Variants in HLCS observed in about 807,000 individuals in gnomAD.
HLCS encodes biotin--protein ligase.
HLCS carries 53 observed loss-of-function variants against 75.0 expected under a neutral mutation model. The ratio of observed to expected loss-of-function variants is 0.71; its 90% CI spans 0.57 to 0.89. The LOEUF (loss-of-function observed/expected upper bound fraction) is 0.89, where lower values mean the gene tolerates loss of function less well. HLCS is among the 40% of genes least tolerant of loss of function. The probability of loss-of-function intolerance (pLI) is 0.00; values close to 1 mark genes in which losing one functional copy is unlikely to be tolerated. For synonymous variants in HLCS, 431 were observed against 428.6 expected, an observed-to-expected ratio of 1.01 and a Z score of -0.07; for missense variants, 966 against 1,074.0, an observed-to-expected ratio of 0.90 and a Z score of 1.41.
intron 6 of HLCS, among the ~76,000 whole-genome samples, chr21:36,857,103 A>C (rs2063221796): frequency 6.6e-6 from 1 of 152,236 alleles, no homozygotes; most frequent in South Asian, 2.1e-4. Flanking sequence ...TGCCTCTACC[A>C]AAATAGGTCA....
At chr21:36,846,892 C>T (rs1172920907) in intron 6 of HLCS, among the ~76,000 whole-genome samples, 1 of 152,134 alleles carries the variant, frequency 6.6e-6, no homozygotes, top group African/African-American at 2.4e-5. Flanking sequence ...CCAACAATAC[C>T]AGATTTAGAG....
chr21:36,915,251 G>A (rs539689713), intron 5 of HLCS, among the ~76,000 whole-genome samples: 4 of 152,238 alleles, frequency 2.6e-5, no homozygotes, highest in South Asian at 2.1e-4. Context: ...ACGAGAAAAC[G>A]AGAACATCTC....
rs952062617 is a variant in HLCS, at chr21:36,750,405, T to C, written c.*3841A>G. On this transcript the variant is annotated 3_prime_UTR_variant, in exon 11 of 11. Transcript: ENST00000674895. ...CTAGAAAAGCCATTCCATTCATACCTTTGTAGAGCAGTGGGCTGGGTGTGG... is the reference window on the plus strand; with the variant it reads ...CTAGAAAAGCCATTCCATTCATACCCTTGTAGAGCAGTGGGCTGGGTGTGG... Among the ~76,000 whole-genome samples, 1 of 152,174 alleles carries C rather than the reference T, an allele frequency of 6.6e-6. No individual in the cohort carries two copies. The highest frequency in any genetic ancestry group is 1.5e-5 in the Non-Finnish European group (1 of 68,020).
At chr21:36,837,751 T>C (rs2062463753) in intron 6 of HLCS, among the ~76,000 whole-genome samples, 1 of 152,204 alleles carries the variant, frequency 6.6e-6, no homozygotes, top group Non-Finnish European at 1.5e-5. Context: ...GCTGCAATCA[T>C]GAACATTGTA....
chr21:36,849,229 CAT>C (rs1432588443), intron 6 of HLCS, among the ~76,000 whole-genome samples: 49 of 152,306 alleles, frequency 3.2e-4, no homozygotes, highest in South Asian at 2.1e-4. Flanking sequence ...TTCTCAGAAA[CAT>C]ATCTGGAAAA....
intron 5 of HLCS, among the ~76,000 whole-genome samples, chr21:36,914,088 C>T (rs543227892): frequency 1.3e-5 from 2 of 152,326 alleles, no homozygotes; most frequent in East Asian, 3.9e-4. Flanking sequence ...TCTCTCAAAT[C>T]CTGCCCATCA....
At chr21:36,822,031 C>A (rs1162155790) in intron 6 of HLCS, among the ~76,000 whole-genome samples, 1 of 152,122 alleles carries the variant, frequency 6.6e-6, no homozygotes, top group East Asian at 1.9e-4. Flanking sequence ...GTCATCCTCA[C>A]CCTCCCACAG....
chr21:36,979,032 G>T (rs1419482138), intron 1 of HLCS, among the ~76,000 whole-genome samples: 1 of 152,128 alleles, frequency 6.6e-6, no homozygotes, highest in Non-Finnish European at 1.5e-5. Flanking sequence ...CACTTTGGGA[G>T]GCTGAGGCGG....
chr21:36,828,675 A>C (rs1028648804), intron 6 of HLCS, among the ~76,000 whole-genome samples: 2 of 152,202 alleles, frequency 1.3e-5, no homozygotes, highest in Non-Finnish European at 2.9e-5. Context: ...TGCCAAGTAG[A>C]TTAAAATTGA....
chr21:36,781,843 G>A (rs1368135858), intron 6 of HLCS, among the ~76,000 whole-genome samples: 2 of 152,134 alleles, frequency 1.3e-5, no homozygotes, highest in Non-Finnish European at 2.9e-5. Context: ...TTACAAGTCA[G>A]TAAATTATCC....
intron 6 of HLCS, among the ~76,000 whole-genome samples, chr21:36,846,582 C>CA (rs902369521): frequency 3.0e-4 from 46 of 151,998 alleles, no homozygotes; most frequent in Non-Finnish European, 5.4e-4. Flanking sequence ...AATGAAACTA[C>CA]AAAAAAATTC....
intron 6 of HLCS, among the ~76,000 whole-genome samples, chr21:36,774,909 T>TA: frequency 6.6e-6 from 1 of 152,360 alleles, no homozygotes. Flanking sequence ...ACAGTTTTAT[T>TA]GATATATTCT....
intron 2 of HLCS, among the ~76,000 whole-genome samples, chr21:36,947,177 G>A (rs1601840566): frequency 1.3e-5 from 2 of 152,278 alleles, no homozygotes; most frequent in South Asian, 2.1e-4. Flanking sequence ...AGCAGGCACT[G>A]GCAGTGTAAA....
At chr21:36,928,843 T>G (rs1281248290) in intron 5 of HLCS, among the ~76,000 whole-genome samples, 1 of 152,130 alleles carries the variant, frequency 6.6e-6, no homozygotes, top group South Asian at 2.1e-4. Context: ...AGAGCAAATA[T>G]TTGCTTTAAT....
Position 36,833,593 on chromosome 21 carries a change from T to TTATATATATATATATA in HLCS, c.1892+63251_1892+63266dup, listed in dbSNP as rs56412653. ...GAGTTGGAGACTGTCTAAAAAAAAA[T>TTATATATATATATATA]TATATATATATATATATATATTTGA... On this transcript the variant is annotated intron_variant, in intron 6 of 10. Coordinates refer to ENST00000674895, the MANE Select transcript of HLCS (RefSeq NM_001352514.2). Among the ~76,000 whole-genome samples, 198 of 139,982 alleles carry TTATATATATATATATA rather than the reference T, an allele frequency of 1.4e-3. 2 individuals carry two copies. The highest frequency in any genetic ancestry group is 5.0e-3 in the African/African-American group (185 of 37,288). 91.8% of individuals were successfully genotyped at this position (139,982 alleles called of 152,430 possible).
chr21:36,968,138 A>T (rs967402659), upstream of HLCS, among the ~76,000 whole-genome samples: 2 of 152,038 alleles, frequency 1.3e-5, no homozygotes, highest in Non-Finnish European at 2.9e-5. Flanking sequence ...CCTGGCCACC[A>T]TGCCCAGCTA....
At chr21:36,795,157 C>T (rs1442694812) in intron 6 of HLCS, among the ~76,000 whole-genome samples, 1 of 152,168 alleles carries the variant, frequency 6.6e-6, no homozygotes, top group Non-Finnish European at 1.5e-5. Context: ...GGCAAAGGCA[C>T]CAGGTTGAGA....
chr21:36,954,484 C>T (rs959445335), intron 2 of HLCS, among the ~76,000 whole-genome samples: 17 of 151,460 alleles, frequency 1.1e-4, no homozygotes, highest in Non-Finnish European at 1.8e-4. Flanking sequence ...GGCGTGGTGG[C>T]GGGCGCCTGT....
intron 6 of HLCS, among the ~76,000 whole-genome samples, chr21:36,822,917 G>A (rs1004363794): frequency 2.0e-5 from 3 of 152,116 alleles, no homozygotes; most frequent in African/African-American, 7.2e-5. Flanking sequence ...AGGGTTAAAA[G>A]AAATAAAAAC....
Sources: gnomAD v4.1 joint callset for allele counts (sites outside exome capture counted in the v4.1 genomes callset) on GRCh38, gnomAD v4.1.1 for gene constraint, MANE v1.5 for transcripts, NCBI Gene and HGNC (gene_info 2026-07-23, HGNC 2026-07-21) for gene names.